TSPAN1: variants seen among roughly 807,000 people sequenced by gnomAD.
TSPAN1 encodes tetraspanin-1.
A neutral mutation model predicts 26.9 loss-of-function variants in TSPAN1; 23 were observed. That is an observed-to-expected ratio of 0.85 (90% CI 0.62 to 1.21). The LOEUF (loss-of-function observed/expected upper bound fraction) is 1.21. Ranked by LOEUF, TSPAN1 falls within the 50% of genes most tolerant of loss-of-function variation. The pLI is 0.00. For synonymous variants in TSPAN1, 115 were observed against 114.8 expected, an observed-to-expected ratio of 1.00 and a Z score of -0.01; for missense variants, 283 against 298.4, an observed-to-expected ratio of 0.95 and a Z score of 0.38.
the TSPAN1 span, chr1:46,192,338 C>T: frequency 6.2e-7 from 1 of 1,614,182 alleles, no homozygotes; most frequent in Middle Eastern, 1.6e-4. Context: ...TGGGCTCAAG[C>T]TCCTCCTTGT....
At chr1:46,179,987 GTT>G (rs1491495675) in intron 1 of TSPAN1, among the ~76,000 whole-genome samples, 3 of 151,720 alleles carry the variant, frequency 2.0e-5, no homozygotes, top group Non-Finnish European at 1.5e-5. Flanking sequence ...GTGTGTGTGT[GTT>G]TGTGTGTGTG....
downstream of TSPAN1, chr1:46,188,858 G>A: frequency 6.2e-7 from 1 of 1,612,894 alleles, no homozygotes; most frequent in Non-Finnish European, 8.5e-7. Flanking sequence ...AGTTTCCTGA[G>A]TAAGAGCCAG....
intron 3 of TSPAN1, 29 bp from the exon 4 acceptor site, chr1:46,184,162 T>G: frequency 6.2e-7 from 1 of 1,613,562 alleles, no homozygotes; most frequent in South Asian, 1.1e-5. Context: ...CAGCACTGTT[T>G]AAGGCCTGCC....
downstream of TSPAN1, chr1:46,188,996 ATT>A: frequency 6.2e-7 from 1 of 1,602,982 alleles, no homozygotes; most frequent in Non-Finnish European, 8.5e-7. Flanking sequence ...AAGTGAGGGT[ATT>A]CAAAGGGCAG....
chr1:46,194,359 C>G, the TSPAN1 span: 2 of 1,614,202 alleles, frequency 1.2e-6, no homozygotes, highest in East Asian at 2.2e-5. Flanking sequence ...GAAGCGCCGG[C>G]GGCGACGGTT....
intron 3 of TSPAN1, among the ~76,000 whole-genome samples, chr1:46,181,772 A>T (rs1657320772): frequency 6.6e-6 from 1 of 152,218 alleles, no homozygotes; most frequent in Non-Finnish European, 1.5e-5. Context: ...GACGGAGGTT[A>T]TGGGAGCCTG....
downstream of TSPAN1, chr1:46,190,027 C>CTAT (rs1557669525): frequency 6.2e-7 from 1 of 1,611,752 alleles, no homozygotes; most frequent in East Asian, 2.2e-5. Context: ...CAAGACAGGG[C>CTAT]CCACTTCATG....
At chr1:46,193,508 A>C in the TSPAN1 span, 4 of 1,613,966 alleles carry the variant, frequency 2.5e-6, no homozygotes, top group Non-Finnish European at 3.4e-6. Context: ...CGTCCCTGGC[A>C]ATCACTGCTG....
At chr1:46,193,810 GCA>G in the TSPAN1 span, 1 of 1,611,572 alleles carries the variant, frequency 6.2e-7, no homozygotes, top group Non-Finnish European at 8.5e-7. Context: ...GATGACCTAA[GCA>G]CCCTCCTGTT....
chr1:46,194,483 G>A, the TSPAN1 span: 2 of 1,614,118 alleles, frequency 1.2e-6, no homozygotes, highest in Non-Finnish European at 8.5e-7. Flanking sequence ...AAGGAATAAA[G>A]CTCCACAGAG....
At chr1:46,194,633 T>C in the TSPAN1 span, 1 of 1,614,200 alleles carries the variant, frequency 6.2e-7, no homozygotes, top group Non-Finnish European at 8.5e-7. Context: ...TTTAGAATGT[T>C]TCTCCCCGAA....
In TSPAN1 at chr1:46,176,360, T is replaced by C. The variant is rs1476587910; in HGVS notation, c.-142+951T>C. 3 of 1,535,646 alleles carry C rather than the reference T, an allele frequency of 2.0e-6. No individual in the cohort carries two copies. In the African/African-American group the frequency reaches 4.1e-5, roughly 21 times the overall value. ...AGACCCTGTTGATATCTTCTGCGGC[T>C]ACACTTGAACATCCTGGGAAATCGG... On this transcript the variant is annotated intron_variant, in intron 1 of 8. Coordinates refer to ENST00000372003, the MANE Select transcript of TSPAN1 (RefSeq NM_005727.4).
downstream of TSPAN1, among the ~76,000 whole-genome samples, chr1:46,188,128 T>C (rs1168364775): frequency 2.6e-5 from 4 of 152,182 alleles, no homozygotes; most frequent in Admixed American, 2.0e-4. Flanking sequence ...TATGTGAGAA[T>C]CTGATGAAGA....
chr1:46,189,057 C>A (rs1557668245), downstream of TSPAN1: 8 of 1,531,456 alleles, frequency 5.2e-6, no homozygotes, highest in East Asian at 4.5e-5. Context: ...TCCTGCCCTT[C>A]TCCAACAAGG....
At chr1:46,186,999 G>A (rs1200383888), downstream of TSPAN1, among the ~76,000 whole-genome samples, 2 of 152,128 alleles carry the variant, frequency 1.3e-5, no homozygotes, top group Admixed American at 1.3e-4. Context: ...GTAGAGACAG[G>A]GTTTCACCAT....
intron 1 of TSPAN1, among the ~76,000 whole-genome samples, chr1:46,179,787 A>G (rs2148138395): frequency 6.6e-6 from 1 of 152,252 alleles, no homozygotes; most frequent in Admixed American, 6.5e-5. Context: ...GAGAAAAAGA[A>G]AAAGATGGGG....
chr1:46,190,282 G>C, downstream of TSPAN1: 1 of 769,052 alleles, frequency 1.3e-6, no homozygotes, highest in Non-Finnish European at 2.2e-6. Flanking sequence ...CTGACCTCAT[G>C]ATCCACCCAC....
In TSPAN1 at chr1:46,177,762, G is replaced by A. The variant is rs558994017; in HGVS notation, c.-142+2353G>A. On this transcript the variant is annotated intron_variant, in intron 1 of 8. Coordinates refer to ENST00000372003, the MANE Select transcript of TSPAN1 (RefSeq NM_005727.4). ...CTCATGTCCATGAATGACTGCAAAA[G>A]TACCACAAGTACTGGTTTGGGAATT... 8.8e-4 allele frequency among the ~76,000 whole-genome samples: 134 copies of A among 152,324 alleles called. 1 individual carries two copies. The highest frequency in any genetic ancestry group is 3.2e-3 in the African/African-American group (132 of 41,572).
Position 46,184,273 on chromosome 1 carries a change from C to T in TSPAN1, c.140C>T (p.Ser47Leu), listed in dbSNP as rs776519061. 6.8e-6 allele frequency: 11 copies of T among 1,614,200 alleles called. No individual in the cohort carries two copies. Among genetic ancestry groups the T allele is most frequent in the Middle Eastern group, 1.6e-4 (1 of 6,062 alleles). The change falls in exon 4 of 9, where the codon TCG (serine) becomes TTG (leucine). Residue 47 changes from serine (S) to leucine (L), a missense_variant. By Grantham distance (145) the Ser-to-Leu change is moderately radical. Coordinates refer to ENST00000372003, the MANE Select transcript of TSPAN1 (RefSeq NM_005727.4). ...ASFLKIFGPL[S>L]SSAMQFVNVG... ...TTTCTGAAGATCTTCGGGCCACTGT[C>T]GTCCAGTGCCATGCAGTTTGTCAAC...
Sources: gnomAD v4.1 joint callset for allele counts (sites outside exome capture counted in the v4.1 genomes callset) on GRCh38, gnomAD v4.1.1 for gene constraint, MANE v1.5 for transcripts, NCBI Gene and HGNC (gene_info 2026-07-23, HGNC 2026-07-21) for gene names.